IPO8: variants seen among roughly 807,000 people sequenced by gnomAD.
IPO8 encodes importin-8.
A neutral mutation model predicts 141.2 loss-of-function variants in IPO8; 65 were observed. The ratio of observed to expected loss-of-function variants is 0.46; its 90% CI spans 0.38 to 0.57. IPO8 has a LOEUF of 0.57. Ranked by LOEUF, IPO8 falls within the 20% of genes least tolerant of loss-of-function variation. The pLI, the probability that IPO8 is intolerant of heterozygous loss-of-function variation, is 0.00. For synonymous variants in IPO8, 411 were observed against 420.3 expected, an observed-to-expected ratio of 0.98 and a Z score of 0.27; for missense variants, 980 against 1,246.8, an observed-to-expected ratio of 0.79 and a Z score of 3.22.
chr12:30,691,323 T>G (rs2053289119), intron 1 of IPO8, among the ~76,000 whole-genome samples: 1 of 152,170 alleles, frequency 6.6e-6, no homozygotes, highest in South Asian at 2.1e-4. Flanking sequence ...CACACTGTCA[T>G]CACCAGCTGC....
Position 30,637,947 on chromosome 12 carries a change from T to C in IPO8, c.2490-760A>G, listed in dbSNP as rs551873779. 1.9e-3 allele frequency among the ~76,000 whole-genome samples: 290 copies of C among 152,378 alleles called. 1 individual carries two copies. The highest frequency in any genetic ancestry group is 6.5e-3 in the African/African-American group (270 of 41,594). Reference sequence around the variant, plus strand: ...ATAACAAATCCAATAATGAATATTCTACAGGCTTCTGTTATTCTTCATTAT... The same window carrying C: ...ATAACAAATCCAATAATGAATATTCCACAGGCTTCTGTTATTCTTCATTAT... On this transcript the variant is annotated intron_variant, in intron 21 of 24. Coordinates refer to ENST00000256079, the MANE Select transcript of IPO8 (RefSeq NM_006390.4).
intron 15 of IPO8, among the ~76,000 whole-genome samples, chr12:30,661,617 A>AC (rs201804604): frequency 0.078 from 11,784 of 151,328 alleles, 664 homozygotes; most frequent in African/African-American, 0.16. Flanking sequence ...AAACAAACAA[A>AC]AAAAAAAAAC....
chr12:30,649,047 A>G (rs2052687410), intron 20 of IPO8, 90 bp downstream of exon 20: 1 of 865,988 alleles, frequency 1.2e-6, no homozygotes, highest in Admixed American at 2.0e-5. Flanking sequence ...TGTCCTTTCC[A>G]TTTTTCATCA....
At chr12:30,660,037 A>C (rs4931359) in intron 16 of IPO8, among the ~76,000 whole-genome samples, 7,591 of 152,090 alleles carry the variant, frequency 0.05, 291 homozygotes, top group Middle Eastern at 0.11. Context: ...AGCCTGGCCA[A>C]CGTGGTGAAA....
chr12:30,676,888 T>A (rs2053127686), intron 5 of IPO8: 1 of 1,488,944 alleles, frequency 6.7e-7, no homozygotes, highest in African/African-American at 1.4e-5. Context: ...GTGATTTTTA[T>A]GACTTACCCC....
At chr12:30,693,881 C>T (rs1405741832) in intron 1 of IPO8, among the ~76,000 whole-genome samples, 1 of 152,074 alleles carries the variant, frequency 6.6e-6, no homozygotes, top group Non-Finnish European at 1.5e-5. Context: ...CAAGAGTCTA[C>T]GGCCATACCA....
chr12:30,687,616 C>T (rs1565511258), intron 2 of IPO8, among the ~76,000 whole-genome samples: 1 of 151,988 alleles, frequency 6.6e-6, no homozygotes, highest in Admixed American at 6.6e-5. Flanking sequence ...CTAGATTAGA[C>T]AACAAATGTG....
intron 10 of IPO8, among the ~76,000 whole-genome samples, chr12:30,666,763 G>T (rs2052972013): frequency 6.6e-6 from 1 of 152,136 alleles, no homozygotes; most frequent in Admixed American, 6.5e-5. Context: ...TTTAAATAGG[G>T]TGTTAGCAAA....
chr12:30,658,585 CTGTTT>C (rs1229166382), intron 16 of IPO8, among the ~76,000 whole-genome samples: 1 of 152,024 alleles, frequency 6.6e-6, no homozygotes, highest in Non-Finnish European at 1.5e-5. Context: ...AGAAAAGATG[CTGTTT>C]TGTTTTTAAA....
intron 12 of IPO8, 92 bp from the exon 13 acceptor site, chr12:30,665,401 T>C (rs1005524564): frequency 2.6e-6 from 2 of 769,052 alleles, no homozygotes; most frequent in African/African-American, 1.8e-5. Context: ...TTGCATTTAA[T>C]ATACTTCTAA....
chr12:30,633,960 G>A, intron 23 of IPO8, 123 bp downstream of exon 23: 1 of 737,922 alleles, frequency 1.4e-6, no homozygotes, highest in South Asian at 1.9e-5. Flanking sequence ...TCTATCATAA[G>A]GAATAAACAA....
intron 8 of IPO8, among the ~76,000 whole-genome samples, chr12:30,672,208 T>C (rs1377822842): frequency 6.6e-6 from 1 of 152,154 alleles, no homozygotes; most frequent in Non-Finnish European, 1.5e-5. Context: ...TATAAGTGAG[T>C]TGCTGAATAA....
chr12:30,645,644 A>C (rs1177060164), intron 20 of IPO8, among the ~76,000 whole-genome samples: 1 of 151,970 alleles, frequency 6.6e-6, no homozygotes, highest in Admixed American at 6.6e-5. Context: ...AAGAGAGAAG[A>C]CTCTAATTAC....
At chr12:30,641,493 C>CTTTTTTTTTTTTTTTTTTTTTTTTT (rs58656525) in intron 20 of IPO8, among the ~76,000 whole-genome samples, 5 of 135,050 alleles carry the variant, frequency 3.7e-5, no homozygotes, top group South Asian at 2.4e-4. Flanking sequence ...TAAGCTATTT[C>CTTTTTTTTTTTTTTTTTTTTTTTTT]TTTTTTTTTT....
intron 15 of IPO8, among the ~76,000 whole-genome samples, chr12:30,661,546 G>GT (rs985048073): frequency 1.3e-5 from 2 of 150,070 alleles, no homozygotes; most frequent in Non-Finnish European, 3.0e-5. Flanking sequence ...GTGAAATCAA[G>GT]TAATAGTAAA....
At chr12:30,652,781 C>T (rs1157482840) in intron 18 of IPO8, among the ~76,000 whole-genome samples, 186 bp downstream of exon 18, 1 of 152,032 alleles carries the variant, frequency 6.6e-6, no homozygotes, top group East Asian at 1.9e-4. Context: ...GAAATACAGC[C>T]TACCTCCTCT....
chr12:30,662,373 T>G lies in IPO8; in HGVS notation c.1709A>C (p.Tyr570Ser). The change falls in exon 15 of 25, where the codon TAC (tyrosine) becomes TCC (serine). Residue 570 changes from tyrosine to serine, a missense_variant. By Grantham distance (144) the Tyr-to-Ser change is moderately radical. This residue lies in a region of IPO8 where 924 missense variants were observed against 1,153.9 expected (regional missense o/e 0.80). Coordinates refer to ENST00000256079, the MANE Select transcript of IPO8 (RefSeq NM_006390.4). Reference sequence around the variant, plus strand: ...AGCAATTGAGGCTACCTCTTGACTGTATTCACATATCATCTTCTGGATGAC... The same window carrying G: ...AGCAATTGAGGCTACCTCTTGACTGGATTCACATATCATCTTCTGGATGAC... ...TNVIQKMICEYSQEVASIAVD... is the reference protein window; with the variant it reads ...TNVIQKMICESSQEVASIAVD... 1 of 1,613,908 alleles carries G rather than the reference T, an allele frequency of 6.2e-7. No individual in the cohort carries two copies.
chr12:30,688,891 C>T (rs1206583134), intron 2 of IPO8: 1 of 152,144 alleles, frequency 6.6e-6, no homozygotes, highest in African/African-American at 2.4e-5. Flanking sequence ...CCACAAGTAC[C>T]TAGATACATA....
At chr12:30,652,398 C>A in intron 18 of IPO8, 109 bp from the exon 19 acceptor site, 2 of 680,546 alleles carry the variant, frequency 2.9e-6, no homozygotes, top group Admixed American at 5.4e-5. Flanking sequence ...TCTTCCCATG[C>A]AACCACAAAA....
Sources: gnomAD v4.1 joint callset for allele counts (sites outside exome capture counted in the v4.1 genomes callset) on GRCh38, gnomAD v4.1.1 for gene constraint, gnomAD v4.1.1 regional missense constraint, MANE v1.5 for transcripts, NCBI Gene and HGNC (gene_info 2026-07-23, HGNC 2026-07-21) for gene names.